The following EXOC4 variants were observed in gnomAD, a reference collection of about 807,000 sequenced individuals.
The protein encoded by EXOC4 is SEC8-like 1.
A neutral mutation model predicts 107.2 loss-of-function variants in EXOC4; 71 were observed. The ratio of observed to expected loss-of-function variants is 0.66; its 90% CI spans 0.55 to 0.81. The LOEUF is 0.81. Among genes scored for constraint, EXOC4 ranks in the 30% least tolerant of loss-of-function variants. The pLI is 0.00. For synonymous variants in EXOC4, 456 were observed against 441.2 expected (o/e 1.03, Z -0.42); for missense variants, 1,108 against 1,189.6 (o/e 0.93, Z 1.01).
chr7:133,469,279 G>T (rs970472816), intron 7 of EXOC4, among the ~76,000 whole-genome samples: 1 of 152,158 alleles, frequency 6.6e-6, no homozygotes, highest in Non-Finnish European at 1.5e-5. Flanking sequence ...AGCCTGGTGT[G>T]GTGGCATGCA....
At chr7:133,304,804 A>G (rs1373111608) in intron 3 of EXOC4, among the ~76,000 whole-genome samples, 1 of 152,206 alleles carries the variant, frequency 6.6e-6, no homozygotes, top group Admixed American at 6.5e-5. Flanking sequence ...ACCCTGAAGT[A>G]TTATTAGTTA....
chr7:133,571,679 CAA>C (rs79894289), intron 9 of EXOC4, among the ~76,000 whole-genome samples: 413 of 112,050 alleles, frequency 3.7e-3, no homozygotes, highest in African/African-American at 7.1e-3. Flanking sequence ...TGCCTCAAAG[CAA>C]AAAAAAAAAA....
intron 12 of EXOC4, among the ~76,000 whole-genome samples, chr7:133,904,022 T>C (rs1172694615): frequency 6.6e-6 from 1 of 152,010 alleles, no homozygotes; most frequent in Non-Finnish European, 1.5e-5. Flanking sequence ...ACTGGATGGG[T>C]GTGGCCTTAA....
chr7:133,589,890 G>A (rs1801499167), intron 9 of EXOC4, among the ~76,000 whole-genome samples: 1 of 152,160 alleles, frequency 6.6e-6, no homozygotes, highest in Non-Finnish European at 1.5e-5. Context: ...TAATTTTGAT[G>A]CAGGATTTTT....
chr7:133,490,956 T>C (rs1799360999), intron 9 of EXOC4, among the ~76,000 whole-genome samples: 1 of 152,202 alleles, frequency 6.6e-6, no homozygotes, highest in Admixed American at 6.5e-5. Flanking sequence ...GCTGGAAATA[T>C]TGGTAGGGCC....
At chr7:133,892,866 T>G (rs1209176887) in intron 11 of EXOC4, among the ~76,000 whole-genome samples, 1 of 144,362 alleles carries the variant, frequency 6.9e-6, no homozygotes, top group Non-Finnish European at 1.5e-5. Flanking sequence ...AATTTTGGAA[T>G]AGGTGTGGTG....
At chr7:133,692,190 A>T (rs975718345) in intron 10 of EXOC4, among the ~76,000 whole-genome samples, 5 of 152,236 alleles carry the variant, frequency 3.3e-5, no homozygotes, top group Non-Finnish European at 5.9e-5. Context: ...TAGAAAAGAC[A>T]ATCAAGCCAA....
At chr7:133,275,646 A>G (rs1292816688) in intron 2 of EXOC4, among the ~76,000 whole-genome samples, 1 of 152,130 alleles carries the variant, frequency 6.6e-6, no homozygotes, top group Non-Finnish European at 1.5e-5. Flanking sequence ...CCAGTCGAAT[A>G]CCCTTTTATC....
chr7:133,262,175 C>T (rs1055643288), intron 1 of EXOC4, among the ~76,000 whole-genome samples: 3 of 152,128 alleles, frequency 2.0e-5, no homozygotes, highest in African/African-American at 7.2e-5. Flanking sequence ...ATTGCATCTT[C>T]TCAGAGAGGA....
At chr7:133,546,883 T>C (rs1176036128) in intron 9 of EXOC4, among the ~76,000 whole-genome samples, 1 of 152,166 alleles carries the variant, frequency 6.6e-6, no homozygotes, top group African/African-American at 2.4e-5. Flanking sequence ...TTCTTCCCTA[T>C]CTCATAACAT....
At chr7:133,909,478 A>G (rs1306894960) in intron 12 of EXOC4, among the ~76,000 whole-genome samples, 1 of 152,252 alleles carries the variant, frequency 6.6e-6, no homozygotes, top group East Asian at 1.9e-4. Flanking sequence ...GGGAAAGAGC[A>G]CTCCAGGTGG....
At chr7:133,869,997 A>G (rs1798717656) in intron 11 of EXOC4, among the ~76,000 whole-genome samples, 1 of 152,166 alleles carries the variant, frequency 6.6e-6, no homozygotes, top group Admixed American at 6.5e-5. Flanking sequence ...AGAACATCCT[A>G]TTATTTGGCA....
At chr7:133,421,004 T>G (rs1283871823) in intron 7 of EXOC4, among the ~76,000 whole-genome samples, 1 of 151,814 alleles carries the variant, frequency 6.6e-6, no homozygotes, top group Non-Finnish European at 1.5e-5. Flanking sequence ...ACTATTCCAT[T>G]TTGATGATAG....
At position 133,538,839 on chromosome 7, in the gene EXOC4, AAAAG is replaced by A. The variant is rs200950060; in HGVS notation, c.1417+58719_1417+58722del. Among the ~76,000 whole-genome samples, 361 of 118,370 alleles carry A rather than the reference AAAAG, an allele frequency of 3.0e-3. 4 individuals are homozygous for A. The highest frequency in any genetic ancestry group is 0.01 in the African/African-American group (305 of 30,478). The allele number at this position is 118,370 out of a possible 152,430, so 77.7% of individuals were successfully genotyped here. A position where few individuals can be genotyped will look rare whatever the true frequency, so the allele number is the denominator to read the frequency against. ...GAGCAAGACCCTGTGTCTTGAAAGA[AAAAG>A]AAAGAAAGAAAGAAAGAGAGAGAGA... On this transcript the variant is annotated intron_variant, in intron 9 of 17. Transcript: ENST00000253861.
intron 7 of EXOC4, among the ~76,000 whole-genome samples, chr7:133,422,559 G>T (rs747227037): frequency 6.6e-6 from 1 of 152,202 alleles, no homozygotes; most frequent in Non-Finnish European, 1.5e-5. Context: ...ATGGGAGCCA[G>T]TGAAATTATA....
chr7:134,092,765 A>G, the EXOC4 span, among the ~76,000 whole-genome samples: 1 of 152,044 alleles, frequency 6.6e-6, no homozygotes, highest in Non-Finnish European at 1.5e-5. Flanking sequence ...TCTACTAAAA[A>G]TACAAAAATT....
intron 7 of EXOC4, among the ~76,000 whole-genome samples, chr7:133,425,889 G>T (rs1385181682): frequency 6.6e-6 from 1 of 152,066 alleles, no homozygotes; most frequent in Non-Finnish European, 1.5e-5. Context: ...CTATAATCTG[G>T]AAGACCCTGC....
intron 7 of EXOC4, among the ~76,000 whole-genome samples, chr7:133,471,366 C>A (rs554068215): frequency 6.6e-6 from 1 of 150,420 alleles, no homozygotes; most frequent in South Asian, 2.1e-4. Flanking sequence ...GAGCCAAGAT[C>A]GTGCCATTGC....
chr7:133,749,955 GTTT>G (rs56902982), intron 10 of EXOC4, among the ~76,000 whole-genome samples: 5,321 of 61,568 alleles, frequency 0.086, 124 homozygotes, highest in African/African-American at 0.12. Context: ...GTGGTTGGCA[GTTT>G]TTTTTTTTTT....
Sources: allele counts gnomAD v4.1 joint callset (sites outside exome capture counted in the v4.1 genomes callset), GRCh38; gene constraint gnomAD v4.1.1; transcripts MANE v1.5; gene names NCBI Gene and HGNC (gene_info 2026-07-23, HGNC 2026-07-21).